ROBO2: variants seen among roughly 807,000 people sequenced by gnomAD.
The protein encoded by ROBO2 is roundabout guidance receptor 2, also known as roundabout homolog 2.
Under a neutral mutation model 160.8 loss-of-function variants are expected in ROBO2, and 53 were observed. The ratio of observed to expected loss-of-function variants is 0.33; its 90% CI spans 0.26 to 0.41. The LOEUF (loss-of-function observed/expected upper bound fraction) is 0.41, where lower values mean the gene tolerates loss of function less well. Among genes scored for constraint, ROBO2 ranks in the 10% least tolerant of loss-of-function variants. ROBO2 has a pLI of 1.00. For missense variants in ROBO2, 1,577 were observed against 1,722.4 expected, an observed-to-expected ratio of 0.92 and a Z score of 1.49; for synonymous variants, 664 against 611.7, an observed-to-expected ratio of 1.09 and a Z score of -1.26.
At chr3:76,677,527 T>C (rs993059767) in intron 2 of ROBO2, among the ~76,000 whole-genome samples, 85 of 152,234 alleles carry the variant, frequency 5.6e-4, no homozygotes, top group Admixed American at 2.2e-3. Flanking sequence ...GAAAATAATC[T>C]GTAGAGAAAC....
chr3:76,240,886 T>C (rs1705244278), intron 2 of ROBO2, among the ~76,000 whole-genome samples: 1 of 152,186 alleles, frequency 6.6e-6, no homozygotes, highest in Non-Finnish European at 1.5e-5. Context: ...TGTCAGAACT[T>C]AGTAAATGAG....
intron 2 of ROBO2, among the ~76,000 whole-genome samples, chr3:77,277,180 C>CTTTCTTTCTTTCT (rs1367031555): frequency 1.7e-5 from 2 of 114,736 alleles, no homozygotes; most frequent in South Asian, 2.8e-4. Flanking sequence ...TTCTTTCTTT[C>CTTTCTTTCTTTCT]TTTCTTTCTT....
intron 5 of ROBO2, among the ~76,000 whole-genome samples, chr3:77,506,706 G>T (rs1388036859): frequency 6.6e-6 from 1 of 152,098 alleles, no homozygotes; most frequent in Non-Finnish European, 1.5e-5. Context: ...TAGTGTTGAG[G>T]TTAAGAAATG....
At chr3:76,088,404 A>G (rs2069102010) in intron 2 of ROBO2, among the ~76,000 whole-genome samples, 1 of 152,214 alleles carries the variant, frequency 6.6e-6, no homozygotes, top group South Asian at 2.1e-4. Flanking sequence ...TTATCTGACA[A>G]TAGCGTATTA....
chr3:76,731,801 T>C (rs2093641603), intron 2 of ROBO2, among the ~76,000 whole-genome samples: 1 of 152,206 alleles, frequency 6.6e-6, no homozygotes, highest in Non-Finnish European at 1.5e-5. Context: ...GAAAGGACGA[T>C]GTCTTAGGAA....
chr3:76,580,208 T>A (rs1346607661), intron 2 of ROBO2, among the ~76,000 whole-genome samples: 2 of 150,302 alleles, frequency 1.3e-5, no homozygotes, highest in Non-Finnish European at 3.0e-5. Context: ...TGAGTTTTCT[T>A]ATCAAAGTCA....
chr3:76,220,388 G>T (rs978941806), intron 2 of ROBO2, among the ~76,000 whole-genome samples: 1 of 151,986 alleles, frequency 6.6e-6, no homozygotes, highest in Non-Finnish European at 1.5e-5. Context: ...GTATTAAGCG[G>T]TGTGGTCTTT....
At chr3:76,613,727 A>G (rs1184883982) in intron 2 of ROBO2, among the ~76,000 whole-genome samples, 1 of 152,042 alleles carries the variant, frequency 6.6e-6, no homozygotes, top group Non-Finnish European at 1.5e-5. Flanking sequence ...CCACCTATCA[A>G]TAAAGTTCAT....
chr3:76,018,066 A>C (rs1439573202), intron 2 of ROBO2, among the ~76,000 whole-genome samples: 3 of 152,030 alleles, frequency 2.0e-5, no homozygotes, highest in Non-Finnish European at 4.4e-5. Context: ...ATGCATAGGA[A>C]AATTCAGGGG....
At chr3:77,616,471 C>T (rs2094779110) in intron 21 of ROBO2, among the ~76,000 whole-genome samples, 1 of 151,564 alleles carries the variant, frequency 6.6e-6, no homozygotes, top group African/African-American at 2.4e-5. Context: ...ACGTGTTTAA[C>T]AAAGGGTGGA....
At chr3:77,038,794 G>T (rs1347716887), upstream of ROBO2, among the ~76,000 whole-genome samples, 8 of 152,178 alleles carry the variant, frequency 5.3e-5, no homozygotes, top group Non-Finnish European at 1.2e-4. Context: ...GCATCCTTTG[G>T]TAGTCTTGGT....
intron 2 of ROBO2, among the ~76,000 whole-genome samples, chr3:76,536,920 A>C (rs897241910): frequency 2.0e-5 from 3 of 152,058 alleles, no homozygotes; most frequent in Admixed American, 6.6e-5. Flanking sequence ...AGCTCCAGCC[A>C]CCTCTCTAAG....
At chr3:76,048,074 A>G (rs1381533612) in intron 2 of ROBO2, among the ~76,000 whole-genome samples, 4 of 152,164 alleles carry the variant, frequency 2.6e-5, no homozygotes, top group African/African-American at 4.8e-5. Context: ...GAGGCTTTTC[A>G]TATATTATCT....
chr3:76,404,688 A>T (rs2078029434), intron 2 of ROBO2, among the ~76,000 whole-genome samples: 1 of 151,584 alleles, frequency 6.6e-6, no homozygotes, highest in South Asian at 2.1e-4. Flanking sequence ...TTAGAGGTAG[A>T]TAAAGAAATG....
intron 2 of ROBO2, among the ~76,000 whole-genome samples, chr3:76,004,356 G>A (rs913510983): frequency 2.0e-5 from 3 of 152,206 alleles, no homozygotes; most frequent in African/African-American, 7.2e-5. Flanking sequence ...TCTGAGTGGG[G>A]TAGACAGGGG....
intron 2 of ROBO2, among the ~76,000 whole-genome samples, chr3:76,397,589 A>C (rs578070142): frequency 0.026 from 3,942 of 152,010 alleles, 69 homozygotes; most frequent in Middle Eastern, 0.075. Flanking sequence ...ACAAAGGGCT[A>C]ATATCCAGAA....
chr3:77,225,899 C>CAA (rs2086440796), intron 2 of ROBO2, among the ~76,000 whole-genome samples: 1 of 151,918 alleles, frequency 6.6e-6, no homozygotes, highest in African/African-American at 2.4e-5. Context: ...GGAAGATGTT[C>CAA]AAGATGTTTA....
intron 4 of ROBO2, among the ~76,000 whole-genome samples, chr3:77,481,719 C>T (rs1468280418): frequency 6.6e-6 from 1 of 151,896 alleles, no homozygotes; most frequent in African/African-American, 2.4e-5. Flanking sequence ...GAAAATGGAC[C>T]CCTAAAATGA....
intron 2 of ROBO2, among the ~76,000 whole-genome samples, chr3:76,521,548 A>G (rs563318186): frequency 6.6e-6 from 1 of 152,302 alleles, no homozygotes; most frequent in Non-Finnish European, 1.5e-5. Flanking sequence ...TTTACTAAAT[A>G]TCATGTTTAA....
Sources: gnomAD v4.1 joint callset for allele counts (sites outside exome capture counted in the v4.1 genomes callset) on GRCh38, gnomAD v4.1.1 for gene constraint, MANE v1.5 for transcripts, NCBI Gene and HGNC (gene_info 2026-07-23, HGNC 2026-07-21) for gene names.